The following DTNA variants were observed in gnomAD, a reference collection of about 807,000 sequenced individuals.
DTNA encodes dystrophin-related protein 3.
DTNA carries 43 observed loss-of-function variants against 100.7 expected under a neutral mutation model. The ratio of observed to expected loss-of-function variants is 0.43; its 90% confidence interval spans 0.33 to 0.55. The LOEUF is 0.55. Ranked by LOEUF, DTNA falls within the 20% of genes least tolerant of loss-of-function variation. DTNA has a pLI of 0.04. For missense variants in DTNA, 798 were observed against 953.9 expected (o/e 0.84, Z 2.15); for synonymous variants, 349 against 347.9 (o/e 1.00, Z -0.04).
chr18:34,633,040 G>A (rs1192347170), intron 1 of DTNA, among the ~76,000 whole-genome samples: 1 of 152,086 alleles, frequency 6.6e-6, no homozygotes, highest in Non-Finnish European at 1.5e-5. Context: ...TTGAATCCAG[G>A]TAGTCTCATT....
At chr18:34,667,330 C>T (rs372154509) in intron 1 of DTNA, among the ~76,000 whole-genome samples, 5 of 152,288 alleles carry the variant, frequency 3.3e-5, no homozygotes, top group South Asian at 4.1e-4. Flanking sequence ...GGGGCTGAGA[C>T]GATGGGGTTT....
intron 1 of DTNA, among the ~76,000 whole-genome samples, chr18:34,553,520 G>T (rs1395906628): frequency 6.6e-6 from 1 of 152,010 alleles, no homozygotes. Flanking sequence ...TAGGTCTAAC[G>T]ATTAAGTCTT....
chr18:34,559,786 C>T (rs2046468831), intron 1 of DTNA, among the ~76,000 whole-genome samples: 2 of 152,144 alleles, frequency 1.3e-5, no homozygotes, highest in Admixed American at 1.3e-4. Flanking sequence ...ACTAGACTTC[C>T]TTTTACTCTT....
chr18:34,672,865 C>G (rs2076941584), intron 1 of DTNA, among the ~76,000 whole-genome samples: 1 of 151,768 alleles, frequency 6.6e-6, no homozygotes, highest in Non-Finnish European at 1.5e-5. Flanking sequence ...TGTATAAAAT[C>G]TTCATAGGGA....
At chr18:34,749,258 C>A (rs1021500308) in intron 1 of DTNA, among the ~76,000 whole-genome samples, 1 of 152,122 alleles carries the variant, frequency 6.6e-6, no homozygotes, top group East Asian at 1.9e-4. Flanking sequence ...GTCACATCAT[C>A]AGTGAAGAGC....
chr18:34,735,406 A>G (rs961145376), intron 1 of DTNA, among the ~76,000 whole-genome samples: 1 of 152,146 alleles, frequency 6.6e-6, no homozygotes, highest in Non-Finnish European at 1.5e-5. Context: ...CTCAGTATTA[A>G]CCATCACACC....
intron 1 of DTNA, among the ~76,000 whole-genome samples, chr18:34,749,652 T>A (rs975978389): frequency 0.057 from 491 of 8,566 alleles, 1 homozygote; most frequent in African/African-American, 0.079. Flanking sequence ...AAAATAATAA[T>A]AATAATAATA....
chr18:34,830,231 T>C (rs1349014725), intron 11 of DTNA, among the ~76,000 whole-genome samples: 1 of 151,984 alleles, frequency 6.6e-6, no homozygotes, highest in African/African-American at 2.4e-5. Flanking sequence ...AAATAAAACC[T>C]AAGCAAGCCA....
At chr18:34,547,520 A>T (rs1249521477) in intron 1 of DTNA, among the ~76,000 whole-genome samples, 2 of 152,144 alleles carry the variant, frequency 1.3e-5, no homozygotes, top group African/African-American at 4.8e-5. Flanking sequence ...ACCTGTGTGC[A>T]TAAGGCCTAA....
At chr18:34,669,812 G>A (rs1175525632) in intron 1 of DTNA, among the ~76,000 whole-genome samples, 2 of 152,180 alleles carry the variant, frequency 1.3e-5, no homozygotes. Context: ...AGTCTGATGG[G>A]CTTCCCTTTG....
At chr18:34,669,359 G>A (rs372926925) in intron 1 of DTNA, among the ~76,000 whole-genome samples, 11 of 152,174 alleles carry the variant, frequency 7.2e-5, no homozygotes, top group Admixed American at 2.6e-4. Flanking sequence ...CAGTACACTG[G>A]TGGGTCTTGA....
At chr18:34,635,386 G>A (rs2058554847) in intron 1 of DTNA, among the ~76,000 whole-genome samples, 1 of 152,144 alleles carries the variant, frequency 6.6e-6, no homozygotes, top group Non-Finnish European at 1.5e-5. Flanking sequence ...ATACCCACTA[G>A]TGGGATTGCT....
At chr18:34,600,069 C>T (rs2147160146) in intron 1 of DTNA, among the ~76,000 whole-genome samples, 1 of 152,272 alleles carries the variant, frequency 6.6e-6, no homozygotes, top group East Asian at 1.9e-4. Context: ...CCTTTCTCAA[C>T]AACTAGTATT....
intron 1 of DTNA, among the ~76,000 whole-genome samples, chr18:34,681,209 T>C (rs548586966): frequency 6.6e-6 from 1 of 152,290 alleles, no homozygotes; most frequent in African/African-American, 2.4e-5. Context: ...TCGTAACTAA[T>C]CTATCAATAC....
At chr18:34,700,905 T>C (rs1376079230) in intron 1 of DTNA, among the ~76,000 whole-genome samples, 1 of 152,250 alleles carries the variant, frequency 6.6e-6, no homozygotes, top group Non-Finnish European at 1.5e-5. Context: ...AACATGCAAG[T>C]ATACCATCAT....
At chr18:34,515,310 GTTTTAA>G (rs2041491565) in intron 1 of DTNA, among the ~76,000 whole-genome samples, 1 of 152,018 alleles carries the variant, frequency 6.6e-6, no homozygotes, top group Non-Finnish European at 1.5e-5. Flanking sequence ...AATCCTTACA[GTTTTAA>G]TTGTTGCTCA....
At position 34,889,026 on chromosome 18, in the gene DTNA, T is replaced by G. The variant is rs2096946700; in HGVS notation, c.*1292T>G. On this transcript the variant is annotated 3_prime_UTR_variant, in exon 23 of 23. Coordinates refer to ENST00000444659, the MANE Select transcript of DTNA (RefSeq NM_001386795.1). ...TATCAAAGACAAGAGGATAAAAGAC[T>G]GGGATAGTCTTTTCCAAGGACCCTC... 1.0e-6 allele frequency: 1 copy of G among 985,758 alleles called. No homozygotes were observed. Among genetic ancestry groups the G allele is most frequent in the African/African-American group, 1.7e-5 (1 of 57,244 alleles). The allele number at this position is 985,758 out of a possible 1,614,324, so 61.1% of individuals were successfully genotyped here.
intron 3 of DTNA, among the ~76,000 whole-genome samples, chr18:34,781,366 C>T (rs1321061394): frequency 6.6e-6 from 1 of 152,134 alleles, no homozygotes; most frequent in Non-Finnish European, 1.5e-5. Context: ...ATACATCTAT[C>T]TTACATACTT....
At chr18:34,827,048 A>G (rs2095874807) in intron 9 of DTNA, among the ~76,000 whole-genome samples, 1 of 152,218 alleles carries the variant, frequency 6.6e-6, no homozygotes, top group Admixed American at 6.5e-5. Context: ...AACTAACTTC[A>G]TATATCCTTG....
Sources: allele counts gnomAD v4.1 joint callset (sites outside exome capture counted in the v4.1 genomes callset), GRCh38; gene constraint gnomAD v4.1.1; transcripts MANE v1.5; gene names NCBI Gene and HGNC (gene_info 2026-07-23, HGNC 2026-07-21).